Variants in PRKAR1B observed in about 807,000 individuals in gnomAD.
The protein encoded by PRKAR1B is protein kinase cAMP-dependent type I regulatory subunit beta.
A neutral mutation model predicts 46.5 loss-of-function variants in PRKAR1B; 22 were observed. The observed-to-expected ratio is 0.47, with a 90% confidence interval of 0.34 to 0.68. The LOEUF (loss-of-function observed/expected upper bound fraction) is 0.68. PRKAR1B is among the 30% of genes least tolerant of loss of function. PRKAR1B has a pLI of 0.01. For synonymous variants in PRKAR1B, 259 were observed against 217.7 expected, an observed-to-expected ratio of 1.19 and a Z score of -1.67; for missense variants, 445 against 535.6, an observed-to-expected ratio of 0.83 and a Z score of 1.67.
At chr7:700,477 T>C (rs1779998093) in intron 2 of PRKAR1B, among the ~76,000 whole-genome samples, 1 of 152,136 alleles carries the variant, frequency 6.6e-6, no homozygotes, top group Admixed American at 6.5e-5. Flanking sequence ...TTATTCAACA[T>C]ATCAAGAACT....
At chr7:697,394 G>A (rs928611794) in intron 2 of PRKAR1B, among the ~76,000 whole-genome samples, 1 of 152,148 alleles carries the variant, frequency 6.6e-6, no homozygotes, top group Non-Finnish European at 1.5e-5. Flanking sequence ...TGGGGACACA[G>A]CCTGCCCCGT....
At chr7:578,047 C>T (rs1422561050) in intron 9 of PRKAR1B, among the ~76,000 whole-genome samples, 1 of 152,212 alleles carries the variant, frequency 6.6e-6, no homozygotes, top group African/African-American at 2.4e-5. Context: ...CGGGAGCGCC[C>T]GGGTGTTGTC....
rs1164743721 is a variant in PRKAR1B, at chr7:593,538, G to A, written c.708+2608C>T. ...CCACAAAAATCCCCCAGCCGGGAGC[G>A]ACAGGGCGTCAAGGATGGTGGGGAA... On this transcript the variant is annotated intron_variant, in intron 7 of 10. Coordinates refer to ENST00000537384, the MANE Select transcript of PRKAR1B (RefSeq NM_001164760.2). The surrounding 1 kb of genome is among the most constrained non-coding windows in gnomAD (Gnocchi z 6.1). Among the ~76,000 whole-genome samples the A allele has an allele frequency of 2.0e-5, 3 of 152,184 alleles. No individual in the cohort carries two copies. The highest frequency in any genetic ancestry group is 4.8e-5 in the African/African-American group (2 of 41,454).
intron 4 of PRKAR1B, among the ~76,000 whole-genome samples, chr7:646,572 T>C (rs1382210477): frequency 6.6e-6 from 1 of 152,190 alleles, no homozygotes; most frequent in Non-Finnish European, 1.5e-5. Context: ...CGTTTCCTAA[T>C]GGGGCTGCGT....
chr7:583,227 A>C (rs1480307388), intron 8 of PRKAR1B, among the ~76,000 whole-genome samples: 1 of 152,116 alleles, frequency 6.6e-6, no homozygotes, highest in Non-Finnish European at 1.5e-5. Context: ...GCATTTTACC[A>C]CAATGGAAAG....
intron 7 of PRKAR1B, among the ~76,000 whole-genome samples, chr7:595,699 A>G (rs567363995): frequency 6.6e-6 from 1 of 152,238 alleles, no homozygotes; most frequent in South Asian, 2.1e-4. Flanking sequence ...CGTGGCTCAG[A>G]GTAGATCTGG....
At chr7:633,076 G>C (rs1299009970) in intron 4 of PRKAR1B, among the ~76,000 whole-genome samples, 1 of 152,062 alleles carries the variant, frequency 6.6e-6, no homozygotes. Flanking sequence ...TTCATTCTCT[G>C]CTCCCACCAC....
At chr7:685,007 G>A (rs1395177808) in intron 2 of PRKAR1B, among the ~76,000 whole-genome samples, 1 of 151,632 alleles carries the variant, frequency 6.6e-6, no homozygotes, top group Admixed American at 6.6e-5. Context: ...ATTACCATCT[G>A]CCATGAGTTG....
At chr7:630,654 C>A (rs1434042476) in intron 4 of PRKAR1B, among the ~76,000 whole-genome samples, 1 of 152,212 alleles carries the variant, frequency 6.6e-6, no homozygotes, top group Non-Finnish European at 1.5e-5. Flanking sequence ...TCCCTCCTGG[C>A]CTCACTGCCA....
At chr7:663,734 G>T (rs1445293620) in intron 4 of PRKAR1B, among the ~76,000 whole-genome samples, 1 of 152,128 alleles carries the variant, frequency 6.6e-6, no homozygotes, top group Non-Finnish European at 1.5e-5. Flanking sequence ...CCTGGAACTT[G>T]GGGACAGTGT....
intron 9 of PRKAR1B, among the ~76,000 whole-genome samples, chr7:561,167 G>A (rs530316171): frequency 7.7e-5 from 11 of 143,594 alleles, no homozygotes; most frequent in Admixed American, 2.8e-4. Flanking sequence ...ACACACACAC[G>A]GGTACGTGCA....
rs1224766237 is a variant in PRKAR1B, at chr7:560,320, C to T, written c.892-8850G>A. On this transcript the variant is annotated intron_variant, in intron 9 of 10. Coordinates refer to ENST00000537384, the MANE Select transcript of PRKAR1B (RefSeq NM_001164760.2). This position sits in a 1 kb window ranked among gnomAD's most constrained non-coding sequence, Gnocchi z 4.2. ...CTTTTCTTTATAAATTACCCAGTCT[C>T]GGGCATTTCTTCATAGCAGTGTTAG... is the stretch of plus-strand genomic sequence containing the variant. Among the ~76,000 whole-genome samples the T allele has an allele frequency of 2.6e-5, 4 of 151,034 alleles. No homozygotes were observed. The highest frequency in any genetic ancestry group is 9.8e-5 in the African/African-American group (4 of 41,016).
chr7:577,698 C>T (rs1779939980), intron 9 of PRKAR1B, among the ~76,000 whole-genome samples: 1 of 152,202 alleles, frequency 6.6e-6, no homozygotes, highest in South Asian at 2.1e-4. Context: ...CTTCAGATCG[C>T]CGGGCAGGCC....
At position 599,806 on chromosome 7, in the gene PRKAR1B, C is replaced by T. The variant is rs573831389; in HGVS notation, c.550-3502G>A. 2.6e-3 allele frequency among the ~76,000 whole-genome samples: 352 copies of T among 135,300 alleles called. 9 individuals carry two copies. Among genetic ancestry groups the T allele is most frequent in the Non-Finnish European group, 3.5e-3 (212 of 60,762 alleles). The allele number at this position is 135,300 out of a possible 152,430, so 88.8% of individuals were successfully genotyped here. A position where few individuals can be genotyped will look rare whatever the true frequency, so the allele number is the denominator to read the frequency against. On this transcript the variant is annotated intron_variant, in intron 6 of 10. Coordinates refer to ENST00000537384, the MANE Select transcript of PRKAR1B (RefSeq NM_001164760.2). ...GGCAGGCCCCCCATTCACCTTCACT[C>T]GCTCACCCTCTGTGTTTAGAAGTCA...
chr7:719,188 T>C (rs1303583314), intron 1 of PRKAR1B, among the ~76,000 whole-genome samples: 3 of 151,788 alleles, frequency 2.0e-5, no homozygotes. Context: ...TACAGGTGCC[T>C]GCCACCACAC....
intron 4 of PRKAR1B, among the ~76,000 whole-genome samples, chr7:636,010 CCT>C: frequency 3.9e-5 from 3 of 77,350 alleles, no homozygotes; most frequent in African/African-American, 1.5e-4. Flanking sequence ...CCGGCCGCGC[CCT>C]CACGTCCTCC....
chr7:663,619 C>T (rs1324383735), intron 4 of PRKAR1B, among the ~76,000 whole-genome samples: 1 of 152,168 alleles, frequency 6.6e-6, no homozygotes, highest in African/African-American at 2.4e-5. Flanking sequence ...GTCCCAGGGT[C>T]CTGGCCCTAC....
intron 8 of PRKAR1B, among the ~76,000 whole-genome samples, chr7:580,907 G>T (rs138536606): frequency 1.4e-3 from 216 of 152,288 alleles, no homozygotes; most frequent in African/African-American, 4.9e-3. Context: ...AGGTTGCAAA[G>T]GAAAATGCTT....
chr7:600,242 T>C (rs1475216190), intron 6 of PRKAR1B, among the ~76,000 whole-genome samples: 1 of 152,242 alleles, frequency 6.6e-6, no homozygotes, highest in Non-Finnish European at 1.5e-5. Context: ...CAGTGGCTCA[T>C]ACCTGTCATC....
Sources: allele counts gnomAD v4.1 joint callset (sites outside exome capture counted in the v4.1 genomes callset), GRCh38; gene constraint gnomAD v4.1.1; non-coding constraint Gnocchi (gnomAD v3.1); transcripts MANE v1.5; gene names NCBI Gene and HGNC (gene_info 2026-07-23, HGNC 2026-07-21).